Variants in ZNF518A observed in about 807,000 individuals in gnomAD.
ZNF518A encodes zinc finger protein 518A.
ZNF518A carries 47 observed loss-of-function variants against 102.7 expected under a neutral mutation model. The ratio of observed to expected loss-of-function variants is 0.46; its 90% CI spans 0.36 to 0.58. The LOEUF is 0.58. Among genes scored for constraint, ZNF518A ranks in the 20% least tolerant of loss-of-function variants. ZNF518A has a pLI of 0.00. For missense variants in ZNF518A, 1,793 were observed against 1,699.8 expected (o/e 1.05, Z -0.96); for synonymous variants, 652 against 594.6 (o/e 1.10, Z -1.40).
At chr10:96,164,006 A>T (rs188628225), downstream of ZNF518A, among the ~76,000 whole-genome samples, 24 of 152,350 alleles carry the variant, frequency 1.6e-4, no homozygotes, top group Admixed American at 1.4e-3. Flanking sequence ...AGTGGGTAAA[A>T]TAGGTCATTT....
rs1554887718 is a variant in ZNF518A, at chr10:96,160,981, C to T, written c.*207C>T. 3 of 496,130 alleles carry T rather than the reference C, an allele frequency of 6.0e-6. No homozygotes were observed. Among genetic ancestry groups the T allele is most frequent in the Non-Finnish European group, 1.0e-5 (3 of 291,794 alleles). The allele number at this position is 496,130 out of a possible 1,614,324, so 30.7% of individuals were successfully genotyped here. A position where few individuals can be genotyped will look rare whatever the true frequency, so the allele number is the denominator to read the frequency against. Reference sequence around the variant, plus strand: ...CTGCACTCAAAAGTTTTGAAAGAAACTAATCACAGCACAGAAGTACCTTGA... The same window carrying T: ...CTGCACTCAAAAGTTTTGAAAGAAATTAATCACAGCACAGAAGTACCTTGA... On this transcript the variant is annotated 3_prime_UTR_variant, in exon 6 of 6. Coordinates refer to ENST00000316045, the MANE Select transcript of ZNF518A (RefSeq NM_001330736.2).
chr10:96,175,506 G>A (rs1178662852), intron 1 of ZNF518A, among the ~76,000 whole-genome samples: 1 of 152,200 alleles, frequency 6.6e-6, no homozygotes, highest in Non-Finnish European at 1.5e-5. Flanking sequence ...TTATTGGGCA[G>A]TAATGCTTGG....
chr10:96,179,012 T>C (rs2083222574), intron 1 of ZNF518A, among the ~76,000 whole-genome samples: 1 of 152,082 alleles, frequency 6.6e-6, no homozygotes, highest in Non-Finnish European at 1.5e-5. Flanking sequence ...GCTGCACAAA[T>C]TCTTTCAAAA....
chr10:96,160,637 A>T lies in ZNF518A; in HGVS notation c.4315A>T (p.Thr1439Ser), dbSNP rs2082960807. 6.2e-7 allele frequency: 1 copy of T among 1,613,194 alleles called. No individual in the cohort carries two copies. The highest frequency in any genetic ancestry group is 8.5e-7 in the Non-Finnish European group (1 of 1,179,514). Residue 1439 changes from threonine (T) to serine (S), a missense_variant, in exon 6 of 6, where the codon ACT becomes TCT. By Grantham distance (58) the Thr-to-Ser change is moderately conservative. Around this residue, in one of 3 missense-constraint regions of ZNF518A, gnomAD observed 30 missense variants for 61.1 expected, o/e 0.49. Coordinates refer to ENST00000316045, the MANE Select transcript of ZNF518A (RefSeq NM_001330736.2). ...CAAAAACAATTACCAGATTGTGAAG[A>T]CTACCTCTGAAAATATTTTGAAGGC... is the stretch of plus-strand genomic sequence containing the variant. ...TSKNNYQIVK[T>S]TSENILKAKF...
rs1554877906 is a variant in ZNF518A at position 96,145,064 on chromosome 10, T to TTTTTTGTTGTTGTTGTTG, written c.-301-10260_-301-10259insTTTGTTGTTGTTGTTGTT. Among the ~76,000 whole-genome samples the TTTTTTGTTGTTGTTGTTG allele has an allele frequency of 5.3e-5, 8 of 150,768 alleles. No homozygotes were observed. The South Asian group carries it at 6.4e-4, about 12-fold the overall frequency. On this transcript the variant is annotated intron_variant, in intron 3 of 5. Coordinates refer to ENST00000316045, the MANE Select transcript of ZNF518A (RefSeq NM_001330736.2). ...GTTTTCGTATAAAATACATGTATGT[T>TTTTTTGTTGTTGTTGTTG]TTGTTGTTGTTGTTGTTGTTGTTAA...
At chr10:96,191,905 C>T in intron 1 of ZNF518A, 1 of 1,600,080 alleles carries the variant, frequency 6.2e-7, no homozygotes, top group Non-Finnish European at 8.6e-7. Context: ...AGTTTTGGGA[C>T]TTTTTCTCAA....
At chr10:96,204,517 G>C (rs376009773), downstream of ZNF518A, 1 of 1,612,952 alleles carries the variant, frequency 6.2e-7, no homozygotes, top group Non-Finnish European at 8.5e-7. Context: ...GATCTTTAAA[G>C]GAAAGGATTC....
At chr10:96,168,738 G>C (rs1361099214), downstream of ZNF518A, among the ~76,000 whole-genome samples, 2 of 151,998 alleles carry the variant, frequency 1.3e-5, no homozygotes, top group African/African-American at 4.8e-5. Context: ...TTCTCCTGAG[G>C]ACCTTTGGAT....
chr10:96,133,679 T>A (rs1308428342), intron 3 of ZNF518A, 31 bp downstream of exon 3: 1 of 152,170 alleles, frequency 6.6e-6, no homozygotes, highest in African/African-American at 2.4e-5. Context: ...GACCGTAAAT[T>A]AGGAATAAGA....
rs1002784156 is a variant in ZNF518A at position 96,135,410 on chromosome 10, G to A, written c.-302+1762G>A. ...GGATTGCAGCAGAAAGTGTTCTGAT[G>A]AATATATGGCCCTTATGAATTTAAG... is the stretch of plus-strand genomic sequence containing the variant. On this transcript the variant is annotated intron_variant, in intron 3 of 5. Transcript: ENST00000316045. 4.3e-4 allele frequency: 66 copies of A among 152,338 alleles called. 1 individual carries two copies. Among genetic ancestry groups the A allele is most frequent in the African/African-American group, 1.5e-3 (61 of 41,582 alleles). The allele number at this position is 152,338 out of a possible 1,614,324, so 9.4% of individuals were successfully genotyped here. A position where few individuals can be genotyped will look rare whatever the true frequency, so the allele number is the denominator to read the frequency against.
chr10:96,134,978 C>A (rs587737295), intron 3 of ZNF518A, among the ~76,000 whole-genome samples: 1 of 152,236 alleles, frequency 6.6e-6, no homozygotes, highest in East Asian at 1.9e-4. Context: ...AGAGAACCAC[C>A]CCTCCCCTAT....
intron 3 of ZNF518A, among the ~76,000 whole-genome samples, chr10:96,150,383 G>GA (rs1554880011): frequency 2.0e-5 from 3 of 150,064 alleles, no homozygotes; most frequent in Non-Finnish European, 3.0e-5. Flanking sequence ...GTGTTCTGAT[G>GA]AAAAATCCCT....
downstream of ZNF518A, among the ~76,000 whole-genome samples, chr10:96,164,540 C>T (rs2083105525): frequency 6.6e-6 from 1 of 152,188 alleles, no homozygotes; most frequent in Admixed American, 6.5e-5. Flanking sequence ...CTCTTAATAA[C>T]TGGAGAATTG....
At chr10:96,199,817 A>C in intron 1 of ZNF518A, 1 of 244,736 alleles carries the variant, frequency 4.1e-6, no homozygotes, top group South Asian at 5.8e-5. Flanking sequence ...TGAGGTCAGG[A>C]GTTCGAGAGC....
At chr10:96,202,670 T>C (rs1195052588) in intron 1 of ZNF518A, among the ~76,000 whole-genome samples, 2 of 151,962 alleles carry the variant, frequency 1.3e-5, no homozygotes, top group Non-Finnish European at 2.9e-5. Flanking sequence ...GAAGGATGTA[T>C]TCTAATAGGA....
At position 96,161,414 on chromosome 10, in the gene ZNF518A, C is replaced by T. The variant is rs1287066301; in HGVS notation, c.*640C>T. On this transcript the variant is annotated 3_prime_UTR_variant, in exon 6 of 6. Transcript: ENST00000316045. ...TGTCACTTGTTAGAGATTGGGAACA[C>T]TCTCCCAAGGTGATTTTCTTTTTCT... 6.0e-6 allele frequency: 1 copy of T among 166,864 alleles called. No individual in the cohort carries two copies. The highest frequency in any genetic ancestry group is 1.9e-4 in the East Asian group (1 of 5,198). 10.3% of individuals were successfully genotyped at this position (166,864 alleles called of 1,614,324 possible).
chr10:96,157,898 A>C lies in ZNF518A; in HGVS notation c.1576A>C (p.Ser526Arg). The change falls in exon 6 of 6, where the codon AGT (serine) becomes CGT (arginine). Residue 526 changes from serine to arginine, a missense_variant. Transcript: ENST00000316045. ...ATCTTCTATACTTTCAGGGAAAGCA[A>C]GTTCAGAAAAAGAAATGACTTTGAT... ...CSSSILSGKA[S>R]SEKEMTLISQ... The C allele has an allele frequency of 1.2e-6, 2 of 1,613,920 alleles. No individual in the cohort carries two copies. The highest frequency in any genetic ancestry group is 2.2e-5 in the South Asian group (2 of 91,078).
At position 96,163,321 on chromosome 10, in the gene ZNF518A, T is replaced by TG. The variant is rs1293386335; in HGVS notation, c.*2547_*2548insG. 1.2e-5 allele frequency: 2 copies of TG among 166,604 alleles called. No homozygotes were observed. Among genetic ancestry groups the TG allele is most frequent in the Non-Finnish European group, 2.9e-5 (2 of 68,022 alleles). 10.3% of individuals were successfully genotyped at this position (166,604 alleles called of 1,614,324 possible). Reference sequence around the variant, plus strand: ...AACAAAAGCCTGTATCCTTTATTTTTTGTGTGTGGCTTTCCAAAGAGGGCT... The same window carrying TG: ...AACAAAAGCCTGTATCCTTTATTTTTGTGTGTGTGGCTTTCCAAAGAGGGCT... On this transcript the variant is annotated 3_prime_UTR_variant, in exon 6 of 6. Transcript: ENST00000316045.
At position 96,159,287 on chromosome 10, in the gene ZNF518A, G is replaced by C. The variant is rs782486448; in HGVS notation, c.2965G>C (p.Gly989Arg). ...VLTLNNGKLE[G>R]VSAVKTEGAP... Reference sequence around the variant, plus strand: ...AACACTTAATAATGGGAAACTTGAAGGTGTTTCCGCTGTCAAAACCGAGGG... The same window carrying C: ...AACACTTAATAATGGGAAACTTGAACGTGTTTCCGCTGTCAAAACCGAGGG... Residue 989 changes from glycine to arginine, a missense_variant, in exon 6 of 6, where the codon GGT (glycine) becomes CGT (arginine). Coordinates refer to ENST00000316045, the MANE Select transcript of ZNF518A (RefSeq NM_001330736.2). 7.4e-6 allele frequency: 12 copies of C among 1,613,338 alleles called. 1 individual carries two copies. The South Asian group carries it at 1.2e-4, about 16-fold the overall frequency.
Sources: gnomAD v4.1 joint callset for allele counts (sites outside exome capture counted in the v4.1 genomes callset) on GRCh38, gnomAD v4.1.1 for gene constraint, gnomAD v4.1.1 regional missense constraint, MANE v1.5 for transcripts, NCBI Gene and HGNC (gene_info 2026-07-23, HGNC 2026-07-21) for gene names.